The following LRRC8A variants were observed in gnomAD, a reference collection of about 807,000 sequenced individuals.
The protein encoded by LRRC8A is volume-regulated anion channel subunit LRRC8A.
In LRRC8A, 24 loss-of-function variants were observed where a neutral mutation model predicts 52.5. The ratio of observed to expected loss-of-function variants is 0.46; its 90% confidence interval spans 0.33 to 0.64. The LOEUF is 0.64. LRRC8A is among the 30% of genes least tolerant of loss of function. The probability of loss-of-function intolerance (pLI) is 0.02; values close to 1 mark genes in which losing one functional copy is unlikely to be tolerated. For synonymous variants in LRRC8A, 492 were observed against 494.2 expected, an observed-to-expected ratio of 1.00 and a Z score of 0.06; for missense variants, 677 against 1,094.7, an observed-to-expected ratio of 0.62 and a Z score of 5.38.
At chr9:128,901,486 G>C (rs1430340550) in intron 2 of LRRC8A, among the ~76,000 whole-genome samples, 1 of 152,060 alleles carries the variant, frequency 6.6e-6, no homozygotes, top group African/African-American at 2.4e-5. Flanking sequence ...TTTTACCCTA[G>C]TGTGGTGCTA....
At chr9:128,904,853 C>T (rs563983121) in intron 2 of LRRC8A, among the ~76,000 whole-genome samples, 1 of 150,144 alleles carries the variant, frequency 6.7e-6, no homozygotes, top group East Asian at 2.0e-4. Context: ...AAAAATTAGC[C>T]GGGTGTGGTG....
chr9:128,886,910 C>G (rs1188822776), intron 2 of LRRC8A, among the ~76,000 whole-genome samples: 1 of 152,096 alleles, frequency 6.6e-6, no homozygotes, highest in East Asian at 1.9e-4. Context: ...AACTGAGAAT[C>G]AGAGTGAGGA....
rs565795685 is a variant in LRRC8A at position 128,908,651 on chromosome 9, G to A, written c.1487G>A (p.Arg496Gln). ...PALAFLRENLRALHIKFTDIK... is the reference protein window; with the variant it reads ...PALAFLRENLQALHIKFTDIK... Reference sequence around the variant, plus strand: ...CTGGCCTTCCTGCGTGAGAACCTGCGGGCGCTGCACATCAAGTTCACCGAC... The same window carrying A: ...CTGGCCTTCCTGCGTGAGAACCTGCAGGCGCTGCACATCAAGTTCACCGAC... Residue 496 changes from arginine to glutamine, a missense_variant, in exon 3 of 4, where the codon CGG becomes CAG. Coordinates refer to ENST00000372600, the MANE Select transcript of LRRC8A (RefSeq NM_019594.4). 4.2e-5 allele frequency: 68 copies of A among 1,612,734 alleles called. No homozygotes were observed. The Admixed American group carries it at 7.5e-4, about 18-fold the overall frequency.
chr9:128,890,089 C>T (rs1456376421), intron 2 of LRRC8A, among the ~76,000 whole-genome samples: 1 of 150,864 alleles, frequency 6.6e-6, no homozygotes, highest in Non-Finnish European at 1.5e-5. Flanking sequence ...AGGTGTGAGC[C>T]ACCGCACCTG....
In LRRC8A at chr9:128,907,179, A is replaced by G; in HGVS notation, c.15A>G (p.Thr5=). The change falls in exon 3 of 4, where the codon ACA becomes ACG. Residue 5 remains threonine, a synonymous_variant. Transcript: ENST00000372600. This position sits in a 1 kb window ranked among gnomAD's most constrained non-coding sequence, Gnocchi z 9.3. ...TAGGTTGAACCATGATTCCGGTGACAGAGCTCCGCTACTTTGCGGACACGC... is the reference window on the plus strand; with the variant it reads ...TAGGTTGAACCATGATTCCGGTGACGGAGCTCCGCTACTTTGCGGACACGC... MIPV[T]ELRYFADTQP... 1.2e-6 allele frequency: 2 copies of G among 1,607,724 alleles called. No individual in the cohort carries two copies. The highest frequency in any genetic ancestry group is 1.1e-5 in the South Asian group (1 of 90,986).
At chr9:128,914,598 T>C (rs981913034) in intron 3 of LRRC8A, among the ~76,000 whole-genome samples, 1 of 152,110 alleles carries the variant, frequency 6.6e-6, no homozygotes, top group Non-Finnish European at 1.5e-5. Context: ...GCGTGTCATC[T>C]CTCTGGGCCT....
intron 3 of LRRC8A, among the ~76,000 whole-genome samples, chr9:128,915,149 C>T (rs560795913): frequency 4.6e-5 from 7 of 152,268 alleles, no homozygotes; most frequent in East Asian, 3.9e-4. Context: ...AAGCTGCATA[C>T]GGGTGTCGTC....
chr9:128,916,064 C>T lies in LRRC8A; in HGVS notation c.2158-32C>T, dbSNP rs1037508831. The T allele has an allele frequency of 6.4e-7, 1 of 1,574,370 alleles. No homozygotes were observed. Among genetic ancestry groups the T allele is most frequent in the Non-Finnish European group, 8.7e-7 (1 of 1,155,674 alleles). On this transcript the variant is annotated intron_variant, in intron 3 of 3. Coordinates refer to ENST00000372600, the MANE Select transcript of LRRC8A (RefSeq NM_019594.4). This position sits in a 1 kb window ranked among gnomAD's most constrained non-coding sequence, Gnocchi z 6.1. Reference sequence around the variant, plus strand: ...GAGGCCCCGTCCAAGCCCACACCCACCTCACTCTCACCCCTGCTTTTTTCC... The same window carrying T: ...GAGGCCCCGTCCAAGCCCACACCCATCTCACTCTCACCCCTGCTTTTTTCC...
At chr9:128,890,130 TTGTGTGTGTGTGTG>T (rs57721007) in intron 2 of LRRC8A, among the ~76,000 whole-genome samples, 9 of 128,210 alleles carry the variant, frequency 7.0e-5, no homozygotes, top group South Asian at 2.7e-4. Flanking sequence ...TGGCTTCATT[TTGTGTGTGTGTGTG>T]TGTGTGTGTG....
chr9:128,906,488 A>G (rs1363865377), intron 2 of LRRC8A, among the ~76,000 whole-genome samples: 1 of 151,920 alleles, frequency 6.6e-6, no homozygotes, highest in African/African-American at 2.4e-5. Context: ...ACGCCAGGCT[A>G]ATTTTTGTAT....
At chr9:128,903,073 T>G (rs1840090278) in intron 2 of LRRC8A, among the ~76,000 whole-genome samples, 1 of 152,128 alleles carries the variant, frequency 6.6e-6, no homozygotes. Flanking sequence ...CTGCTGGGTT[T>G]GTTCTTACTC....
chr9:128,890,772 CCTGT>C (rs1182632940), intron 2 of LRRC8A, among the ~76,000 whole-genome samples: 6 of 152,210 alleles, frequency 3.9e-5, no homozygotes, highest in African/African-American at 1.2e-4. Flanking sequence ...CATTTCATAA[CCTGT>C]CTAAGAAGGC....
chr9:128,916,313 A>G lies in LRRC8A; in HGVS notation c.2375A>G (p.Asn792Ser). 1 of 1,612,740 alleles carries G rather than the reference A, an allele frequency of 6.2e-7. No individual in the cohort carries two copies. Among genetic ancestry groups the G allele is most frequent in the South Asian group, 1.1e-5 (1 of 91,018 alleles). Reference sequence around the variant, plus strand: ...TTGGTGGTGGAGGAGGACCTGTTCAACACACTGCCACCCGAGGTGAAGGAG... The same window carrying G: ...TTGGTGGTGGAGGAGGACCTGTTCAGCACACTGCCACCCGAGGTGAAGGAG... ...SGLVVEEDLF[N>S]TLPPEVKERL... Residue 792 changes from asparagine to serine, a missense_variant, in exon 4 of 4, where the codon AAC (asparagine) becomes AGC (serine). By Grantham distance (46) the Asn-to-Ser change is conservative (BLOSUM62 1). Coordinates refer to ENST00000372600, the MANE Select transcript of LRRC8A (RefSeq NM_019594.4). The surrounding 1 kb of genome is among the most constrained non-coding windows in gnomAD (Gnocchi z 6.1).
rs139016596 is a variant in LRRC8A at position 128,917,118 on chromosome 9, TAAAA to T, written c.*755_*758del. ...GGGTATTAAAAAGAAAAAAAAAACTTAAAAAAAAAAAGACACTAACGGCCAGTGA... is the reference window on the plus strand; with the variant it reads ...GGGTATTAAAAAGAAAAAAAAAACTTAAAAAAAGACACTAACGGCCAGTGA... On this transcript the variant is annotated 3_prime_UTR_variant, in exon 4 of 4. Coordinates refer to ENST00000372600, the MANE Select transcript of LRRC8A (RefSeq NM_019594.4). 46 of 143,820 alleles carry T rather than the reference TAAAA, an allele frequency of 3.2e-4. No individual in the cohort carries two copies. In the East Asian group the frequency reaches 8.4e-3, roughly 26 times the overall value. 8.9% of individuals were successfully genotyped at this position (143,820 alleles called of 1,614,324 possible). A position where few individuals can be genotyped will look rare whatever the true frequency, so the allele number is the denominator to read the frequency against.
At position 128,905,708 on chromosome 9, in the gene LRRC8A, G is replaced by A. The variant is rs76712932; in HGVS notation, c.-8-1449G>A. ...AAAACACAAAAATTACCTGGGCATG[G>A]TGGTGCAGGCCTGTAGTCCCAGCTA... On this transcript the variant is annotated intron_variant, in intron 2 of 3. Coordinates refer to ENST00000372600, the MANE Select transcript of LRRC8A (RefSeq NM_019594.4). Among the ~76,000 whole-genome samples the A allele has an allele frequency of 8.0e-3, 1,211 of 152,192 alleles. 14 individuals carry two copies. Among genetic ancestry groups the A allele is most frequent in the African/African-American group, 0.028 (1,164 of 41,534 alleles).
chr9:128,916,474 C>G lies in LRRC8A; in HGVS notation c.*103C>G. 2 of 1,403,262 alleles carry G rather than the reference C, an allele frequency of 1.4e-6. No homozygotes were observed. Among genetic ancestry groups the G allele is most frequent in the Admixed American group, 4.9e-5 (2 of 40,430 alleles). The allele number at this position is 1,403,262 out of a possible 1,614,324, so 86.9% of individuals were successfully genotyped here. On this transcript the variant is annotated 3_prime_UTR_variant, in exon 4 of 4. Coordinates refer to ENST00000372600, the MANE Select transcript of LRRC8A (RefSeq NM_019594.4). The surrounding 1 kb of genome is among the most constrained non-coding windows in gnomAD (Gnocchi z 6.1). ...CAGAACTCCCGGACAGCCAGGACAG[C>G]CTCGTGGCTGGGCAGGAGCCTGGGG...
At chr9:128,909,873 C>T (rs926978122) in intron 3 of LRRC8A, among the ~76,000 whole-genome samples, 5 of 152,342 alleles carry the variant, frequency 3.3e-5, no homozygotes, top group East Asian at 1.9e-4. Flanking sequence ...CACCTTTCTC[C>T]ACTGCATTTG....
At chr9:128,893,995 C>T (rs1839724406) in intron 2 of LRRC8A, among the ~76,000 whole-genome samples, 1 of 152,074 alleles carries the variant, frequency 6.6e-6, no homozygotes, top group African/African-American at 2.4e-5. Flanking sequence ...TCTCCTGCCT[C>T]AGCCTGCTGA....
chr9:128,909,575 C>T (rs953521269), intron 3 of LRRC8A, among the ~76,000 whole-genome samples: 3 of 152,378 alleles, frequency 2.0e-5, no homozygotes, highest in South Asian at 2.1e-4. Flanking sequence ...TTGCAGTTCT[C>T]CTGCCTGGAG....
Sources: allele counts gnomAD v4.1 joint callset (sites outside exome capture counted in the v4.1 genomes callset), GRCh38; gene constraint gnomAD v4.1.1; non-coding constraint Gnocchi (gnomAD v3.1); transcripts MANE v1.5; gene names NCBI Gene and HGNC (gene_info 2026-07-23, HGNC 2026-07-21).